TRPM5: variants seen among roughly 807,000 people sequenced by gnomAD.
The protein encoded by TRPM5 is MLSN1 and TRP-related.
TRPM5 carries 121 observed loss-of-function variants against 124.9 expected under a neutral mutation model. The ratio of observed to expected loss-of-function variants is 0.97; its 90% CI spans 0.84 to 1.13. TRPM5 has a LOEUF of 1.13. Among genes scored for constraint, TRPM5 ranks in the 50% most tolerant of loss-of-function variants. The probability of loss-of-function intolerance (pLI) is 0.00; values close to 1 mark genes in which losing one functional copy is unlikely to be tolerated. For synonymous variants in TRPM5, 781 were observed against 700.5 expected (o/e 1.11, Z -1.81); for missense variants, 1,643 against 1,589.1 (o/e 1.03, Z -0.58).
chr11:2,416,596 T>C (rs1489830160), intron 7 of TRPM5, among the ~76,000 whole-genome samples: 1 of 152,146 alleles, frequency 6.6e-6, no homozygotes, highest in Non-Finnish European at 1.5e-5. Context: ...AAACTGAGAC[T>C]GGTGAGAAGA....
At chr11:2,428,947 C>A in the TRPM5 span, among the ~76,000 whole-genome samples, 3 of 68,942 alleles carry the variant, frequency 4.4e-5, no homozygotes, top group South Asian at 9.3e-4. The surrounding 1 kb of genome is among the most constrained non-coding windows in gnomAD (Gnocchi z 4.0). Context: ...TGGTAATAAT[C>A]ATGGGATGAT....
chr11:2,415,860 G>C (rs368152242), intron 8 of TRPM5, 46 bp downstream of exon 13: 15 of 1,389,508 alleles, frequency 1.1e-5, no homozygotes, highest in Non-Finnish European at 1.5e-5. Flanking sequence ...TGGGCAGCTC[G>C]GGCAGTGCCA....
chr11:2,427,100 C>T (rs1845846644), upstream of TRPM5, among the ~76,000 whole-genome samples: 1 of 152,218 alleles, frequency 6.6e-6, no homozygotes, highest in Non-Finnish European at 1.5e-5. Flanking sequence ...TCCAGAATGC[C>T]CCACCTCACC....
At chr11:2,411,588 GGA>G (rs1254090878) in intron 17 of TRPM5, 45 bp downstream of exon 22, 3 of 1,610,292 alleles carry the variant, frequency 1.9e-6, no homozygotes, top group Middle Eastern at 1.6e-4. Context: ...CCCAGGCAGG[GGA>G]TTGCTGTCCC....
At chr11:2,443,830 C>G in the TRPM5 span, among the ~76,000 whole-genome samples, 3 of 149,224 alleles carry the variant, frequency 2.0e-5, no homozygotes, top group African/African-American at 4.9e-5. This position sits in a 1 kb window ranked among gnomAD's most constrained non-coding sequence, Gnocchi z 5.0. Flanking sequence ...CCCACCCCCC[C>G]CCCAAGCCTG....
the TRPM5 span, among the ~76,000 whole-genome samples, chr11:2,439,974 C>T: frequency 6.6e-6 from 1 of 152,204 alleles, no homozygotes; most frequent in Non-Finnish European, 1.5e-5. Flanking sequence ...GTGGTATATA[C>T]ACACCATGGA....
chr11:2,430,123 A>G, the TRPM5 span, among the ~76,000 whole-genome samples: 1 of 152,182 alleles, frequency 6.6e-6, no homozygotes, highest in South Asian at 2.1e-4. Context: ...CCCGCCTACA[A>G]CCTTCCATGG....
chr11:2,404,824 T>TG (rs914176791), exon 24 of TRPM5: 50 of 811,488 alleles, frequency 6.2e-5, no homozygotes, highest in African/African-American at 1.7e-4. Context: ...CATTGTCTGC[T>TG]GGGGGGCTGG....
At chr11:2,432,357 C>T in the TRPM5 span, among the ~76,000 whole-genome samples, 4 of 152,218 alleles carry the variant, frequency 2.6e-5, no homozygotes, top group African/African-American at 9.7e-5. Flanking sequence ...GCCAGTAGAG[C>T]AGGACTCCAA....
At chr11:2,407,270 T>A in exon 20 of TRPM5, 1 of 1,611,880 alleles carries the variant, frequency 6.2e-7, no homozygotes. Context: ...AGAACATGTC[T>A]GCGTTGCCCT....
At chr11:2,404,055 C>G (rs1301881529), downstream of TRPM5, among the ~76,000 whole-genome samples, 1 of 152,220 alleles carries the variant, frequency 6.6e-6, no homozygotes, top group Non-Finnish European at 1.5e-5. Context: ...GGGCTTGTGG[C>G]TCAGTGGCAG....
At chr11:2,417,800 C>T in exon 7 of TRPM5, 1 of 1,580,092 alleles carries the variant, frequency 6.3e-7, no homozygotes, top group East Asian at 2.3e-5. Context: ...ACACGGTGAG[C>T]AGGTGCTGGT....
chr11:2,437,435 C>T, the TRPM5 span, among the ~76,000 whole-genome samples: 1 of 152,184 alleles, frequency 6.6e-6, no homozygotes, highest in Non-Finnish European at 1.5e-5. The surrounding 1 kb of genome is among the most constrained non-coding windows in gnomAD (Gnocchi z 5.6). Context: ...GAAGGTGTGT[C>T]TGTCCTGCAC....
At position 2,415,108 on chromosome 11, in the gene TRPM5, A is replaced by G. The variant is rs747608595; in HGVS notation, c.1479+13T>C. ...CCAGCCTCGCCCTCCATCCCCACGGAGCCCCCGCTCACCGCCCTCCTGCGG... is the reference window on the plus strand; with the variant it reads ...CCAGCCTCGCCCTCCATCCCCACGGGGCCCCCGCTCACCGCCCTCCTGCGG... On this transcript the variant is annotated intron_variant, in intron 9 of 23. Coordinates refer to ENST00000155858, the Ensembl canonical transcript of TRPM5. 18 of 1,573,130 alleles carry G rather than the reference A, an allele frequency of 1.1e-5. No homozygotes were observed. In the Admixed American group the frequency reaches 2.7e-4, roughly 23 times the overall value.
At chr11:2,428,265 T>A in the TRPM5 span, among the ~76,000 whole-genome samples, 1 of 152,054 alleles carries the variant, frequency 6.6e-6, no homozygotes, top group South Asian at 2.1e-4. The surrounding 1 kb of genome is among the most constrained non-coding windows in gnomAD (Gnocchi z 4.0). Flanking sequence ...CCAAAGAGAC[T>A]CCAAGGACCC....
intron 4 of TRPM5, among the ~76,000 whole-genome samples, chr11:2,420,011 C>T (rs1281721585): frequency 6.6e-6 from 1 of 151,964 alleles, no homozygotes; most frequent in East Asian, 1.9e-4. Flanking sequence ...AGCTGTGCCT[C>T]CTTCACCACT....
chr11:2,424,119 C>T (rs1229316158), upstream of TRPM5, among the ~76,000 whole-genome samples: 1 of 152,272 alleles, frequency 6.6e-6, no homozygotes, highest in Non-Finnish European at 1.5e-5. Flanking sequence ...CCTGATCCCA[C>T]AGGGCTGTCC....
intron 16 of TRPM5, 122 bp from the exon 22 acceptor site, chr11:2,411,889 G>T: frequency 8.1e-7 from 1 of 1,236,820 alleles, no homozygotes; most frequent in Non-Finnish European, 1.1e-6. Context: ...TGGGCCCTGA[G>T]TGGCTTCATC....
At chr11:2,423,032 T>C (rs1845794860) in exon 1 of TRPM5, 1 of 1,610,780 alleles carries the variant, frequency 6.2e-7, no homozygotes, top group African/African-American at 1.3e-5. Context: ...TTGGACATCC[T>C]GCATGGTGGC....
Sources: allele counts gnomAD v4.1 joint callset (sites outside exome capture counted in the v4.1 genomes callset), GRCh38; gene constraint gnomAD v4.1.1; non-coding constraint Gnocchi (gnomAD v3.1); transcripts MANE v1.5; gene names NCBI Gene and HGNC (gene_info 2026-07-23, HGNC 2026-07-21).